MDGA2: variants seen among roughly 807,000 people sequenced by gnomAD.
MDGA2 encodes the protein MAM domain containing glycosylphosphatidylinositol anchor 2.
A neutral mutation model predicts 117.8 loss-of-function variants in MDGA2; 40 were observed. The ratio of observed to expected loss-of-function variants is 0.34; its 90% confidence interval spans 0.26 to 0.44. MDGA2 has a LOEUF of 0.44. Among genes scored for constraint, MDGA2 ranks in the 20% least tolerant of loss-of-function variants. The probability of loss-of-function intolerance (pLI) is 1.00; values close to 1 mark genes in which losing one functional copy is unlikely to be tolerated. For synonymous variants in MDGA2, 452 were observed against 439.0 expected, an observed-to-expected ratio of 1.03 and a Z score of -0.37; for missense variants, 1,123 against 1,250.6, an observed-to-expected ratio of 0.90 and a Z score of 1.54.
rs144076675 is a variant in MDGA2 at position 46,911,685 on chromosome 14, C to T, written c.2238+8327G>A. Among the ~76,000 whole-genome samples, 877 of 152,206 alleles carry T rather than the reference C, an allele frequency of 5.8e-3. 13 individuals are homozygous for T. The highest frequency in any genetic ancestry group is 0.019 in the African/African-American group (787 of 41,528). On this transcript the variant is annotated intron_variant, in intron 10 of 16. Coordinates refer to ENST00000399232, the MANE Select transcript of MDGA2 (RefSeq NM_001113498.3). ...ACATATAAGGAAATCAATTTTACCTCAAGTTAATTTATATCTAAACAAGAG... is the reference window on the plus strand; with the variant it reads ...ACATATAAGGAAATCAATTTTACCTTAAGTTAATTTATATCTAAACAAGAG...
chr14:46,977,003 A>T (rs546194500), intron 8 of MDGA2, among the ~76,000 whole-genome samples: 2 of 152,078 alleles, frequency 1.3e-5, no homozygotes, highest in African/African-American at 4.8e-5. Flanking sequence ...AGAAGTCAAA[A>T]AAGATTGTTT....
chr14:47,284,372 C>G (rs1888600726), intron 2 of MDGA2, among the ~76,000 whole-genome samples: 1 of 152,070 alleles, frequency 6.6e-6, no homozygotes, highest in Admixed American at 6.6e-5. Context: ...TTGGTCAGCC[C>G]TGAGAATGGA....
At chr14:47,269,564 T>A (rs1251379432) in intron 2 of MDGA2, among the ~76,000 whole-genome samples, 1 of 152,138 alleles carries the variant, frequency 6.6e-6, no homozygotes, top group Non-Finnish European at 1.5e-5. Flanking sequence ...AACCAGGTTC[T>A]GAAAAAAATT....
chr14:47,166,386 A>G (rs145642317), intron 3 of MDGA2, among the ~76,000 whole-genome samples: 104 of 152,316 alleles, frequency 6.8e-4, no homozygotes, highest in African/African-American at 2.4e-3. Context: ...CAAAAGATTT[A>G]ATACCAATAA....
chr14:47,409,236 G>T (rs1374760882), intron 1 of MDGA2, among the ~76,000 whole-genome samples: 1 of 152,226 alleles, frequency 6.6e-6, no homozygotes, highest in Non-Finnish European at 1.5e-5. Context: ...AAGAAGCCAA[G>T]AGATTTGTTC....
At chr14:46,877,440 T>C in intron 12 of MDGA2, 49 bp downstream of exon 12, 2 of 1,053,074 alleles carry the variant, frequency 1.9e-6, no homozygotes, top group Non-Finnish European at 2.7e-6. Context: ...ACATTATATT[T>C]TTGTATTTAT....
At chr14:47,613,558 A>G (rs1594944113) in intron 1 of MDGA2, among the ~76,000 whole-genome samples, 1 of 151,984 alleles carries the variant, frequency 6.6e-6, no homozygotes, top group African/African-American at 2.4e-5. Context: ...CTGAACTTGC[A>G]GAAATATTAT....
chr14:46,883,003 A>T (rs1417866584), intron 10 of MDGA2, among the ~76,000 whole-genome samples: 1 of 152,052 alleles, frequency 6.6e-6, no homozygotes, highest in Non-Finnish European at 1.5e-5. Flanking sequence ...CTCACTAAAA[A>T]ATCACAATGC....
intron 7 of MDGA2, among the ~76,000 whole-genome samples, chr14:47,044,552 C>T (rs181063185): frequency 6.6e-6 from 1 of 152,266 alleles, no homozygotes; most frequent in Admixed American, 6.5e-5. Context: ...TATGTCTTCA[C>T]ACCAGATAGT....
chr14:47,412,253 AAAAC>A (rs1274267430), intron 1 of MDGA2, among the ~76,000 whole-genome samples: 1 of 152,186 alleles, frequency 6.6e-6, no homozygotes, highest in Admixed American at 6.6e-5. Context: ...ATTTAGAAGA[AAAAC>A]AAAACAGAAA....
At chr14:46,981,172 G>GT (rs1555340288) in intron 8 of MDGA2, among the ~76,000 whole-genome samples, 24 of 17,680 alleles carry the variant, frequency 1.4e-3, no homozygotes, top group Non-Finnish European at 2.8e-3. Flanking sequence ...GGGAGGCCAA[G>GT]GGGGGGGCGG....
chr14:47,470,384 T>C (rs1893699549), intron 1 of MDGA2, among the ~76,000 whole-genome samples: 2 of 152,034 alleles, frequency 1.3e-5, no homozygotes, highest in Non-Finnish European at 2.9e-5. Context: ...TCTGATCTTG[T>C]GACAGTTTGC....
At chr14:47,529,750 G>C (rs1594901594) in intron 1 of MDGA2, among the ~76,000 whole-genome samples, 1 of 152,120 alleles carries the variant, frequency 6.6e-6, no homozygotes, top group Admixed American at 6.5e-5. Context: ...TGTTTTGATG[G>C]GTAGGGGTAA....
intron 5 of MDGA2, among the ~76,000 whole-genome samples, chr14:47,112,544 A>T (rs868597397): frequency 4.6e-5 from 7 of 151,886 alleles, no homozygotes; most frequent in Non-Finnish European, 1.0e-4. Flanking sequence ...ATGGCTTTAA[A>T]CTCCATCCAT....
intron 1 of MDGA2, among the ~76,000 whole-genome samples, chr14:47,600,150 C>A (rs965846144): frequency 6.6e-6 from 1 of 152,124 alleles, no homozygotes; most frequent in African/African-American, 2.4e-5. Context: ...AATCCCAGCA[C>A]TTTGGGAGGC....
rs142979939 is a variant in MDGA2 at position 47,402,943 on chromosome 14, G to A, written c.281-101393C>T. ...ATTCTCCACCTTTTCATCTCTTCAG[G>A]CATTTGGCACCATCACTTAACTCTC... is the stretch of plus-strand genomic sequence containing the variant. On this transcript the variant is annotated intron_variant, in intron 1 of 16. Transcript: ENST00000399232. 5.2e-3 allele frequency among the ~76,000 whole-genome samples: 797 copies of A among 152,122 alleles called. 4 individuals carry two copies. The highest frequency in any genetic ancestry group is 9.3e-3 in the Non-Finnish European group (629 of 67,982).
At position 47,675,445 on chromosome 14, in the gene MDGA2, C is replaced by G. The variant is rs994238231; in HGVS notation, c.-649G>C. Among the ~76,000 whole-genome samples the G allele has an allele frequency of 6.6e-6, 1 of 151,928 alleles. No individual in the cohort carries two copies. Among genetic ancestry groups the G allele is most frequent in the Non-Finnish European group, 1.5e-5 (1 of 67,974 alleles). ...AGGGTCCAACAGGGAGCGGAGTGTG[C>G]GTCTGGAGCTCGCTTGGGCACACCA... On this transcript the variant is annotated 5_prime_UTR_variant, in exon 1 of 17. Coordinates refer to ENST00000399232, the MANE Select transcript of MDGA2 (RefSeq NM_001113498.3).
intron 5 of MDGA2, among the ~76,000 whole-genome samples, chr14:47,109,642 A>C (rs1880927270): frequency 6.6e-6 from 1 of 152,208 alleles, no homozygotes; most frequent in African/African-American, 2.4e-5. Context: ...GTATTCATCA[A>C]ACTTAATTTA....
intron 7 of MDGA2, among the ~76,000 whole-genome samples, chr14:47,036,149 A>G (rs1198534548): frequency 6.6e-6 from 1 of 151,288 alleles, no homozygotes; most frequent in East Asian, 2.0e-4. Flanking sequence ...GGGCGCCTGT[A>G]GTCCCAGCTG....
Sources: allele counts gnomAD v4.1 joint callset (sites outside exome capture counted in the v4.1 genomes callset), GRCh38; gene constraint gnomAD v4.1.1; transcripts MANE v1.5; gene names NCBI Gene and HGNC (gene_info 2026-07-23, HGNC 2026-07-21).